The following TUBA3C variants were observed in gnomAD, a reference collection of about 807,000 sequenced individuals.
TUBA3C encodes the protein tubulin alpha 3c, also known as tubulin alpha-3C chain.
TUBA3C carries 23 observed loss-of-function variants against 33.4 expected under a neutral mutation model. The ratio of observed to expected loss-of-function variants is 0.69; its 90% confidence interval spans 0.50 to 0.98. TUBA3C has a LOEUF of 0.98. Ranked by LOEUF, TUBA3C falls within the 50% of genes least tolerant of loss-of-function variation. The probability of loss-of-function intolerance (pLI) is 0.00; values close to 1 mark genes in which losing one functional copy is unlikely to be tolerated. For synonymous variants in TUBA3C, 269 were observed against 250.4 expected (o/e 1.07, Z -0.70); for missense variants, 402 against 616.0 (o/e 0.65, Z 3.68).
Position 19,177,014 on chromosome 13 carries a change from C to T in TUBA3C, c.969G>A (p.Val323=). The T allele has an allele frequency of 6.2e-7, 1 of 1,614,102 alleles. No homozygotes were observed. The highest frequency in any genetic ancestry group is 1.1e-5 in the South Asian group (1 of 91,080). ...TGGCCGCGTTGACATCTTTCGGGAC[C>T]ACATCCCCCCTGTACAACATGCAGC... The part of the protein sequence containing the change: ...MACCMLYRGD[V]VPKDVNAAIA... The change falls in exon 4 of 5, where the codon GTG becomes GTA. Residue 323 remains valine, a synonymous_variant. Transcript: ENST00000400113. This position sits in a 1 kb window ranked among gnomAD's most constrained non-coding sequence, Gnocchi z 5.0.
Position 19,181,776 on chromosome 13 carries a change from C to T in TUBA3C, c.-29G>A, listed in dbSNP as rs780713978. 4.4e-5 allele frequency: 71 copies of T among 1,601,384 alleles called. No homozygotes were observed. The highest frequency in any genetic ancestry group is 3.5e-4 in the South Asian group (32 of 91,010). On this transcript the variant is annotated 5_prime_UTR_variant, in exon 1 of 5. Coordinates refer to ENST00000400113, the MANE Select transcript of TUBA3C (RefSeq NM_006001.3). ...GAGCTCCTCCGCTGCCGCAGCCCAA[C>T]GCTACTACTTGACCTCAACCGCCGC...
chr13:19,180,961 CA>C (rs532243124), intron 1 of TUBA3C, among the ~76,000 whole-genome samples: 18,523 of 82,098 alleles, frequency 0.23, 1,149 homozygotes, highest in African/African-American at 0.32. Context: ...TGAGCCGTTT[CA>C]AAAAAAAAAA....
chr13:19,174,620 T>C (rs1321677857), intron 4 of TUBA3C, among the ~76,000 whole-genome samples: 3 of 151,910 alleles, frequency 2.0e-5, no homozygotes, highest in Middle Eastern at 3.4e-3. Flanking sequence ...CACAACATCA[T>C]TCGTTCCACT....
chr13:19,173,861 C>T lies in TUBA3C; in HGVS notation c.*2G>A, dbSNP rs201712054. On this transcript the variant is annotated 3_prime_UTR_variant, in exon 5 of 5. Coordinates refer to ENST00000400113, the MANE Select transcript of TUBA3C (RefSeq NM_006001.3). The stretch of plus-strand genomic sequence containing the variant: ...GAGTGGAGAACCCACCACACCCTCC[C>T]CTCAGTATTCTTCACCTTCTTCAGC... 424 of 1,610,948 alleles carry T rather than the reference C, an allele frequency of 2.6e-4. No homozygotes were observed. The highest frequency in any genetic ancestry group is 3.4e-4 in the Non-Finnish European group (403 of 1,178,252).
At chr13:19,180,057 T>G (rs1869348147) in intron 1 of TUBA3C, among the ~76,000 whole-genome samples, 1 of 152,146 alleles carries the variant, frequency 6.6e-6, no homozygotes, top group South Asian at 2.1e-4. Context: ...ACCCGCCCTG[T>G]GCTCTCCGAG....
chr13:19,181,697 C>A (rs1392381150), intron 1 of TUBA3C, 48 bp downstream of exon 1: 2 of 1,600,728 alleles, frequency 1.2e-6, no homozygotes, highest in African/African-American at 1.3e-5. Context: ...CCAACTTCGT[C>A]CACCCTCCAG....
rs925463423 is a variant in TUBA3C, at chr13:19,177,499, C to T, written c.484G>A (p.Gly162Ser). Residue 162 changes from glycine (G) to serine (S), a missense_variant, in exon 4 of 5, where the codon GGC becomes AGC. Coordinates refer to ENST00000400113, the MANE Select transcript of TUBA3C (RefSeq NM_006001.3). The surrounding 1 kb of genome is among the most constrained non-coding windows in gnomAD (Gnocchi z 5.0). ...LLMERLSVDY[G>S]KKSKLEFAIY... ...GCAAATTCTAGCTTGGACTTCTTGC[C>T]GTAATCCACTGAGAGCCGCTCCATG... The T allele has an allele frequency of 5.6e-6, 9 of 1,614,018 alleles. No homozygotes were observed. The highest frequency in any genetic ancestry group is 4.5e-5 in the East Asian group (2 of 44,846).
rs1315441256 is a variant in TUBA3C, at chr13:19,178,293, T to A, written c.328A>T (p.Ile110Phe). 1.2e-6 allele frequency: 2 copies of A among 1,614,044 alleles called. No individual in the cohort carries two copies. The highest frequency in any genetic ancestry group is 8.5e-7 in the Non-Finnish European group (1 of 1,180,034). ...ACCAGGTCGACGATCTCCTTGCCGATGGTGTAATGGCCTCTGGCGTAATTA... is the reference window on the plus strand; with the variant it reads ...ACCAGGTCGACGATCTCCTTGCCGAAGGTGTAATGGCCTCTGGCGTAATTA... ...ANNYARGHYTIGKEIVDLVLD... is the reference protein window; with the variant it reads ...ANNYARGHYTFGKEIVDLVLD... The change falls in exon 3 of 5, where the codon ATC (isoleucine) becomes TTC (phenylalanine). Residue 110 changes from isoleucine to phenylalanine, a missense_variant. Ile to Phe is a conservative substitution (Grantham distance 21, BLOSUM62 0). Transcript: ENST00000400113.
At chr13:19,174,540 G>A (rs2138953187) in intron 4 of TUBA3C, among the ~76,000 whole-genome samples, 1 of 152,084 alleles carries the variant, frequency 6.6e-6, no homozygotes, top group Non-Finnish European at 1.5e-5. Flanking sequence ...GTAATTTTAT[G>A]GGCATTTTGG....
Position 19,177,020 on chromosome 13 carries a change from C to G in TUBA3C, c.963G>C (p.Gly321=), listed in dbSNP as rs146713651. 83 of 1,614,110 alleles carry G rather than the reference C, an allele frequency of 5.1e-5. No homozygotes were observed. The African/African-American group carries it at 9.5e-4, about 18-fold the overall frequency. Residue 321 remains glycine, a synonymous_variant, in exon 4 of 5, where the codon GGG becomes GGC. Transcript: ENST00000400113. This position sits in a 1 kb window ranked among gnomAD's most constrained non-coding sequence, Gnocchi z 5.0. ...CGTTGACATCTTTCGGGACCACATCCCCCCTGTACAACATGCAGCAGGCCA... is the reference window on the plus strand; with the variant it reads ...CGTTGACATCTTTCGGGACCACATCGCCCCTGTACAACATGCAGCAGGCCA... The part of the protein sequence containing the change: ...KYMACCMLYR[G]DVVPKDVNAA...
intron 4 of TUBA3C, among the ~76,000 whole-genome samples, chr13:19,174,572 A>T (rs932053262): frequency 6.6e-6 from 1 of 152,024 alleles, no homozygotes; most frequent in African/African-American, 2.4e-5. Context: ...GGTGGTGTAT[A>T]TATTTTATTT....
At chr13:19,180,774 C>T (rs942683436) in intron 1 of TUBA3C, among the ~76,000 whole-genome samples, 32 of 151,884 alleles carry the variant, frequency 2.1e-4, no homozygotes, top group South Asian at 1.3e-3. Context: ...GGATTACAGG[C>T]GTGAGCCACA....
intron 4 of TUBA3C, among the ~76,000 whole-genome samples, chr13:19,175,396 C>T (rs933075870): frequency 2.6e-5 from 4 of 152,250 alleles, no homozygotes; most frequent in Admixed American, 6.5e-5. Context: ...TTGCTGTCCT[C>T]TTTCAGCTTT....
chr13:19,174,229 CA>C, intron 4 of TUBA3C, 70 bp from the exon 5 acceptor site: 1 of 1,528,072 alleles, frequency 6.5e-7, no homozygotes, highest in Non-Finnish European at 8.8e-7. Flanking sequence ...TGCTTTTCCT[CA>C]AAAAGAAGAC....
Position 19,177,714 on chromosome 13 carries a change from A to G in TUBA3C, c.376-107T>C, listed in dbSNP as rs36215763. 7.5e-3 allele frequency: 10,283 copies of G among 1,363,466 alleles called. 36 individuals carry two copies. Among genetic ancestry groups the G allele is most frequent in the Middle Eastern group, 0.019 (83 of 4,344 alleles). The allele number at this position is 1,363,466 out of a possible 1,614,324, so 84.5% of individuals were successfully genotyped here. On this transcript the variant is annotated intron_variant, in intron 3 of 4. Coordinates refer to ENST00000400113, the MANE Select transcript of TUBA3C (RefSeq NM_006001.3). The surrounding 1 kb of genome is among the most constrained non-coding windows in gnomAD (Gnocchi z 5.0). Reference sequence around the variant, plus strand: ...CTCTGAAGACTTGATATGGATTCCAATCATCCATAATAAACACGCAGTACA... The same window carrying G: ...CTCTGAAGACTTGATATGGATTCCAGTCATCCATAATAAACACGCAGTACA...
intron 3 of TUBA3C, 43 bp downstream of exon 3, chr13:19,178,203 C>G (rs751363933): frequency 9.3e-6 from 15 of 1,610,064 alleles, no homozygotes; most frequent in Non-Finnish European, 1.1e-5. Context: ...AAGATCTACC[C>G]TCCTGTGCAG....
chr13:19,175,632 A>G (rs1167119287), intron 4 of TUBA3C, among the ~76,000 whole-genome samples: 1 of 152,178 alleles, frequency 6.6e-6, no homozygotes, highest in East Asian at 1.9e-4. Flanking sequence ...TCTTGTCTGA[A>G]CACAGCCACC....
At position 19,181,799 on chromosome 13, in the gene TUBA3C, C is replaced by G. The variant is rs548200582; in HGVS notation, c.-52G>C. 2 of 1,597,396 alleles carry G rather than the reference C, an allele frequency of 1.3e-6. No homozygotes were observed. Among genetic ancestry groups the G allele is most frequent in the African/African-American group, 1.3e-5 (1 of 75,002 alleles). Reference sequence around the variant, plus strand: ...AACGCTACTACTTGACCTCAACCGCCGCTGCAGCTGCGCACGCCCAACGAC... The same window carrying G: ...AACGCTACTACTTGACCTCAACCGCGGCTGCAGCTGCGCACGCCCAACGAC... On this transcript the variant is annotated 5_prime_UTR_variant, in exon 1 of 5. Coordinates refer to ENST00000400113, the MANE Select transcript of TUBA3C (RefSeq NM_006001.3).
chr13:19,181,713 G>C, intron 1 of TUBA3C, 32 bp downstream of exon 1: 3 of 1,601,476 alleles, frequency 1.9e-6, no homozygotes, highest in Non-Finnish European at 2.5e-6. Context: ...TCCAGCCTGG[G>C]CGTCTGCGGG....
Sources: gnomAD v4.1 joint callset for allele counts (sites outside exome capture counted in the v4.1 genomes callset) on GRCh38, gnomAD v4.1.1 for gene constraint, Gnocchi (gnomAD v3.1) non-coding constraint, MANE v1.5 for transcripts, NCBI Gene and HGNC (gene_info 2026-07-23, HGNC 2026-07-21) for gene names.